PTPRD: variants seen among roughly 807,000 people sequenced by gnomAD.
The protein encoded by PTPRD is protein tyrosine phosphatase receptor type D, also known as receptor-type tyrosine-protein phosphatase delta.
In PTPRD, 34 loss-of-function variants were observed where a neutral mutation model predicts 214.5. The observed-to-expected ratio is 0.16, with a 90% CI of 0.12 to 0.21. The LOEUF (loss-of-function observed/expected upper bound fraction) is 0.21, where lower values mean the gene tolerates loss of function less well. Ranked by LOEUF, PTPRD falls within the 10% of genes least tolerant of loss-of-function variation. The pLI is 1.00. For missense variants in PTPRD, 2,545 were observed against 2,398.7 expected (o/e 1.06, Z -1.27); for synonymous variants, 1,128 against 845.7 (o/e 1.33, Z -5.79).
At chr9:9,943,350 T>C (rs1250566123) in intron 4 of PTPRD, among the ~76,000 whole-genome samples, 1 of 152,136 alleles carries the variant, frequency 6.6e-6, no homozygotes, top group Non-Finnish European at 1.5e-5. Flanking sequence ...AAAAGGGCTA[T>C]CATCACTCTC....
intron 8 of PTPRD, among the ~76,000 whole-genome samples, chr9:9,489,233 T>A (rs972609750): frequency 6.6e-6 from 1 of 152,164 alleles, no homozygotes; most frequent in Non-Finnish European, 1.5e-5. Context: ...TCCTTGGAAC[T>A]GACACAGCCT....
At chr9:10,178,588 A>G (rs766752057) in intron 3 of PTPRD, among the ~76,000 whole-genome samples, 33 of 152,036 alleles carry the variant, frequency 2.2e-4, no homozygotes, top group Non-Finnish European at 3.5e-4. Flanking sequence ...GTAGAAAAAG[A>G]ACAAACTATT....
At position 8,316,185 on chromosome 9, in the gene PTPRD, G is replaced by A. The variant is rs1374316516; in HGVS notation, c.*1689C>T. On this transcript the variant is annotated 3_prime_UTR_variant, in exon 46 of 46. Transcript: ENST00000381196. Reference sequence around the variant, plus strand: ...GGCTGGTACAATCACTAACATCCCCGACTTGGCTGAAAACTAGGAATGCAT... The same window carrying A: ...GGCTGGTACAATCACTAACATCCCCAACTTGGCTGAAAACTAGGAATGCAT... 4.4e-6 allele frequency: 1 copy of A among 229,296 alleles called. No homozygotes were observed. Among genetic ancestry groups the A allele is most frequent in the Non-Finnish European group, 8.7e-6 (1 of 115,422 alleles). The allele number at this position is 229,296 out of a possible 1,614,324, so 14.2% of individuals were successfully genotyped here.
intron 9 of PTPRD, among the ~76,000 whole-genome samples, chr9:9,278,437 G>T (rs150643280): frequency 1.3e-4 from 19 of 151,378 alleles, no homozygotes; most frequent in African/African-American, 4.6e-4. Context: ...AATAATATAT[G>T]AGAAGATACA....
chr9:8,806,114 G>A (rs924319366), intron 11 of PTPRD, among the ~76,000 whole-genome samples: 2 of 151,648 alleles, frequency 1.3e-5, no homozygotes, highest in Non-Finnish European at 2.9e-5. Context: ...TAGTAGAGAC[G>A]GGGTTTCATC....
At chr9:9,630,753 T>G (rs1039750900) in intron 7 of PTPRD, among the ~76,000 whole-genome samples, 2 of 152,126 alleles carry the variant, frequency 1.3e-5, no homozygotes, top group Middle Eastern at 3.2e-3. Context: ...CATATTAAAT[T>G]TTATTACATT....
At chr9:9,357,912 T>C (rs2138783321) in intron 9 of PTPRD, among the ~76,000 whole-genome samples, 1 of 151,444 alleles carries the variant, frequency 6.6e-6, no homozygotes, top group African/African-American at 2.4e-5. Flanking sequence ...TGTTCTCTAT[T>C]TCCTTTTACA....
intron 10 of PTPRD, among the ~76,000 whole-genome samples, chr9:9,085,650 T>TC (rs2099766030): frequency 6.6e-6 from 1 of 151,688 alleles, no homozygotes; most frequent in East Asian, 1.9e-4. Flanking sequence ...GGGTTAATGC[T>TC]CTTTTTTTTT....
intron 12 of PTPRD, among the ~76,000 whole-genome samples, chr9:8,724,016 G>C (rs2098530896): frequency 6.6e-6 from 1 of 152,112 alleles, no homozygotes; most frequent in South Asian, 2.1e-4. Context: ...ACTTTTATGA[G>C]AGAACAAAGC....
At chr9:9,693,524 T>C (rs1041083791) in intron 7 of PTPRD, among the ~76,000 whole-genome samples, 1 of 152,104 alleles carries the variant, frequency 6.6e-6, no homozygotes, top group Non-Finnish European at 1.5e-5. Flanking sequence ...GGTCTGTTCT[T>C]TATAGCCGTG....
chr9:8,428,320 T>A (rs73640914), intron 35 of PTPRD, among the ~76,000 whole-genome samples: 4,476 of 152,300 alleles, frequency 0.029, 223 homozygotes, highest in African/African-American at 0.1. Flanking sequence ...GAGATTCTGA[T>A]CTGGAATAGT....
intron 8 of PTPRD, among the ~76,000 whole-genome samples, chr9:9,486,929 G>A (rs920525482): frequency 8.5e-5 from 13 of 152,162 alleles, no homozygotes; most frequent in African/African-American, 2.6e-4. Flanking sequence ...TCTTATCACC[G>A]TGCCTTGCAA....
intron 39 of PTPRD, among the ~76,000 whole-genome samples, chr9:8,353,109 C>CA (rs1158218730): frequency 6.6e-6 from 1 of 152,008 alleles, no homozygotes; most frequent in Non-Finnish European, 1.5e-5. Flanking sequence ...GACTCCGTCT[C>CA]AAAAAATAAA....
chr9:10,004,722 ACC>A (rs1368571989), intron 4 of PTPRD, among the ~76,000 whole-genome samples: 58 of 152,232 alleles, frequency 3.8e-4, no homozygotes, highest in African/African-American at 1.3e-3. Context: ...TTTTATAAAC[ACC>A]AAACTTTATA....
At chr9:9,922,612 T>G (rs553317423) in intron 5 of PTPRD, among the ~76,000 whole-genome samples, 29 of 152,124 alleles carry the variant, frequency 1.9e-4, no homozygotes, top group African/African-American at 6.3e-4. Flanking sequence ...ATAACCAATG[T>G]TGGAGTGAGA....
intron 9 of PTPRD, among the ~76,000 whole-genome samples, chr9:9,261,349 T>G (rs1033586685): frequency 9.2e-5 from 14 of 151,928 alleles, no homozygotes; most frequent in South Asian, 2.1e-4. Flanking sequence ...TAATTTCTTT[T>G]ATTCCGATTT....
At chr9:8,989,758 T>C (rs1024989435) in intron 11 of PTPRD, among the ~76,000 whole-genome samples, 3 of 151,770 alleles carry the variant, frequency 2.0e-5, no homozygotes, top group African/African-American at 7.3e-5. Context: ...CTTATGTCTT[T>C]ATTTGTTTTA....
chr9:8,370,205 T>TACACACAC (rs760579063), intron 39 of PTPRD, among the ~76,000 whole-genome samples: 29 of 63,458 alleles, frequency 4.6e-4, no homozygotes, highest in South Asian at 1.4e-3. Flanking sequence ...CACATATATA[T>TACACACAC]ATACACACAC....
chr9:9,776,444 T>C (rs562308180), intron 5 of PTPRD, among the ~76,000 whole-genome samples: 3 of 152,328 alleles, frequency 2.0e-5, no homozygotes, highest in Non-Finnish European at 2.9e-5. Flanking sequence ...CCAGCCCTAA[T>C]AAACTTTGCT....
Sources: gnomAD v4.1 joint callset for allele counts (sites outside exome capture counted in the v4.1 genomes callset) on GRCh38, gnomAD v4.1.1 for gene constraint, MANE v1.5 for transcripts, NCBI Gene and HGNC (gene_info 2026-07-23, HGNC 2026-07-21) for gene names.